Variants in GOLGA1 observed in about 807,000 individuals in gnomAD.
GOLGA1 encodes the protein golgin subfamily A member 1.
In GOLGA1, 63 loss-of-function variants were observed where a neutral mutation model predicts 119.7. The observed-to-expected ratio is 0.53, with a 90% CI of 0.43 to 0.65. The LOEUF is 0.65. GOLGA1 is among the 30% of genes least tolerant of loss of function. The pLI, the probability that GOLGA1 is intolerant of heterozygous loss-of-function variation, is 0.00. For synonymous variants in GOLGA1, 318 were observed against 333.4 expected (o/e 0.95, Z 0.50); for missense variants, 798 against 912.8 (o/e 0.87, Z 1.62).
At position 124,879,042 on chromosome 9, in the gene GOLGA1, G is replaced by C. The variant is rs1014158516; in HGVS notation, c.*1488C>G. ...GGCAGAGAGCCTGAGCTGGGACTAAGGAGATGCTGCCCTGACTTGGTTCTT... is the reference window on the plus strand; with the variant it reads ...GGCAGAGAGCCTGAGCTGGGACTAACGAGATGCTGCCCTGACTTGGTTCTT... On this transcript the variant is annotated 3_prime_UTR_variant, in exon 23 of 23. Transcript: ENST00000373555. 5.9e-5 allele frequency: 9 copies of C among 152,246 alleles called. No homozygotes were observed. Among genetic ancestry groups the C allele is most frequent in the African/African-American group, 2.2e-4 (9 of 41,466 alleles). 9.4% of individuals were successfully genotyped at this position (152,246 alleles called of 1,614,324 possible). A position where few individuals can be genotyped will look rare whatever the true frequency, so the allele number is the denominator to read the frequency against.
chr9:124,947,968 A>G (rs939079403), exon 1 of GOLGA1: 2 of 152,226 alleles, frequency 1.3e-5, no homozygotes, highest in Non-Finnish European at 2.9e-5. Context: ...GCTGATTACA[A>G]GTCTCCATAA....
At chr9:124,939,550 CTTTTTTTTTTTT>C (rs3051147) in intron 2 of GOLGA1, among the ~76,000 whole-genome samples, 4,067 of 82,014 alleles carry the variant, frequency 0.05, 278 homozygotes, top group East Asian at 0.33. Flanking sequence ...TTCTTTCTTT[CTTTTTTTTTTTT>C]TTTTTTTTTT....
intron 10 of GOLGA1, among the ~76,000 whole-genome samples, chr9:124,917,497 T>C (rs1038888526): frequency 6.6e-6 from 1 of 152,204 alleles, no homozygotes; most frequent in Admixed American, 6.5e-5. Flanking sequence ...CATTAGTAAG[T>C]CTGTCAATCT....
chr9:124,932,703 T>C (rs1398292845), intron 3 of GOLGA1, among the ~76,000 whole-genome samples: 1 of 152,234 alleles, frequency 6.6e-6, no homozygotes, highest in African/African-American at 2.4e-5. Flanking sequence ...ATAGAATGTG[T>C]GACTTATAAA....
At chr9:124,899,077 T>C (rs981223555) in intron 14 of GOLGA1, among the ~76,000 whole-genome samples, 1 of 152,154 alleles carries the variant, frequency 6.6e-6, no homozygotes, top group Non-Finnish European at 1.5e-5. Context: ...ACGCCTGTAG[T>C]CCCAGCTACT....
At chr9:124,899,528 G>C (rs899648588) in intron 13 of GOLGA1, 50 bp from the exon 14 acceptor site, 5 of 1,514,924 alleles carry the variant, frequency 3.3e-6, no homozygotes, top group Non-Finnish European at 4.4e-6. Flanking sequence ...GGTTTCCAGT[G>C]GGGGATCTTA....
chr9:124,947,264 G>T (rs1831160468), intron 1 of GOLGA1: 1 of 152,064 alleles, frequency 6.6e-6, no homozygotes, highest in Non-Finnish European at 1.5e-5. Context: ...TATGGATCAA[G>T]AAAATAAAGG....
chr9:124,918,508 T>C (rs975696959), intron 10 of GOLGA1, among the ~76,000 whole-genome samples: 5 of 152,192 alleles, frequency 3.3e-5, no homozygotes, highest in African/African-American at 1.2e-4. Context: ...CAGGTGCCTG[T>C]AATCCCAGCA....
At chr9:124,941,822 T>C (rs1202412425), upstream of GOLGA1, among the ~76,000 whole-genome samples, 1 of 152,200 alleles carries the variant, frequency 6.6e-6, no homozygotes, top group Non-Finnish European at 1.5e-5. Context: ...CGCGCGCTTC[T>C]GTGGTCCCAG....
chr9:124,942,656 A>G (rs1831075399), upstream of GOLGA1: 1 of 152,248 alleles, frequency 6.6e-6, no homozygotes, highest in Non-Finnish European at 1.5e-5. Context: ...CTTAATATAT[A>G]TGTGGATTCA....
chr9:124,902,318 T>C (rs551431001), intron 12 of GOLGA1, among the ~76,000 whole-genome samples: 51 of 151,700 alleles, frequency 3.4e-4, no homozygotes, highest in African/African-American at 1.1e-3. Flanking sequence ...TTCACTGTGT[T>C]AGCCAGGATG....
At position 124,881,131 on chromosome 9, in the gene GOLGA1, C is replaced by G. The variant is rs200134926; in HGVS notation, c.2223+40G>C. 9.4e-6 allele frequency: 10 copies of G among 1,059,766 alleles called. No individual in the cohort carries two copies. In the African/African-American group the frequency reaches 1.4e-4, roughly 15 times the overall value. 65.6% of individuals were successfully genotyped at this position (1,059,766 alleles called of 1,614,324 possible). A position where few individuals can be genotyped will look rare whatever the true frequency, so the allele number is the denominator to read the frequency against. ...CTGCTACTGCTGGGATAACTGACAA[C>G]GTATCTTGGAAGCTGGAACAGTAGA... On this transcript the variant is annotated intron_variant, in intron 22 of 22. Transcript: ENST00000373555. The surrounding 1 kb of genome is among the most constrained non-coding windows in gnomAD (Gnocchi z 4.9).
chr9:124,911,954 T>C lies in GOLGA1; in HGVS notation c.916A>G (p.Arg306Gly), dbSNP rs774101149. 92 of 1,611,478 alleles carry C rather than the reference T, an allele frequency of 5.7e-5. No individual in the cohort carries two copies. The African/African-American group carries it at 1.2e-3, about 21-fold the overall frequency. ...LQEKVASLEK[R>G]LEQNLSGEEH... The stretch of plus-strand genomic sequence containing the variant: ...TCTCCTGATAAGTTCTGTTCTAGTC[T>C]CTTCTCCAAGGATGCAACCTTCTCT... The change falls in exon 11 of 23, where the codon AGA (arginine) becomes GGA (glycine). Residue 306 changes from arginine (R) to glycine (G), a missense_variant. Physicochemically the swap from Arg to Gly is moderately radical, Grantham distance 125. Coordinates refer to ENST00000373555, the MANE Select transcript of GOLGA1 (RefSeq NM_002077.4).
chr9:124,881,280 G>T lies in GOLGA1; in HGVS notation c.2137-23C>A. The T allele has an allele frequency of 7.0e-7, 1 of 1,424,878 alleles. No individual in the cohort carries two copies. The highest frequency in any genetic ancestry group is 9.9e-7 in the Non-Finnish European group (1 of 1,006,856). 88.3% of individuals were successfully genotyped at this position (1,424,878 alleles called of 1,614,324 possible). ...AGCCTGAAACACAGTAAGTTTTGCT[G>T]CCATAGGCCTTGGTGAAGGTGAGGC... On this transcript the variant is annotated intron_variant, in intron 21 of 22. Transcript: ENST00000373555. This position sits in a 1 kb window ranked among gnomAD's most constrained non-coding sequence, Gnocchi z 4.9.
intron 3 of GOLGA1, among the ~76,000 whole-genome samples, chr9:124,934,599 A>G (rs906525421): frequency 1.2e-4 from 19 of 152,210 alleles, no homozygotes; most frequent in South Asian, 2.1e-4. Context: ...AAGTACAGTG[A>G]GATAATGCTG....
intron 12 of GOLGA1, among the ~76,000 whole-genome samples, chr9:124,906,675 C>T (rs540505221): frequency 1.3e-5 from 2 of 152,046 alleles, no homozygotes; most frequent in African/African-American, 2.4e-5. Context: ...TCGCTTGAAC[C>T]CGAGAGGTGG....
At chr9:124,908,553 G>T in intron 11 of GOLGA1, 81 bp from the exon 12 acceptor site, 1 of 821,658 alleles carries the variant, frequency 1.2e-6, no homozygotes, top group South Asian at 1.4e-5. Context: ...AACATATTGT[G>T]ACTTGTGCTA....
upstream of GOLGA1, among the ~76,000 whole-genome samples, chr9:124,941,469 C>A (rs555367313): frequency 2.0e-5 from 3 of 152,234 alleles, no homozygotes; most frequent in African/African-American, 7.2e-5. Flanking sequence ...AGGCGCCCCC[C>A]CGCGCCGCCC....
At chr9:124,887,246 G>A (rs1338937869) in intron 19 of GOLGA1, among the ~76,000 whole-genome samples, 3 of 152,162 alleles carry the variant, frequency 2.0e-5, no homozygotes, top group Non-Finnish European at 4.4e-5. Flanking sequence ...CAGGCAAAAC[G>A]AAACTGTGGG....
Sources: gnomAD v4.1 joint callset for allele counts (sites outside exome capture counted in the v4.1 genomes callset) on GRCh38, gnomAD v4.1.1 for gene constraint, Gnocchi (gnomAD v3.1) non-coding constraint, MANE v1.5 for transcripts, NCBI Gene and HGNC (gene_info 2026-07-23, HGNC 2026-07-21) for gene names.